Variants in LINGO2 observed in about 807,000 individuals in gnomAD.
LINGO2 encodes the protein leucine-rich repeat and immunoglobulin-like domain-containing nogo receptor-interacting protein 2.
Under a neutral mutation model 30.6 loss-of-function variants are expected in LINGO2, and 14 were observed. The observed-to-expected ratio is 0.46, with a 90% CI of 0.30 to 0.72. LINGO2 has a LOEUF of 0.72. Ranked by LOEUF, LINGO2 falls within the 30% of genes least tolerant of loss-of-function variation. The pLI, the probability that LINGO2 is intolerant of heterozygous loss-of-function variation, is 0.07. For missense variants in LINGO2, 729 were observed against 751.7 expected, an observed-to-expected ratio of 0.97 and a Z score of 0.35; for synonymous variants, 317 against 288.5, an observed-to-expected ratio of 1.10 and a Z score of -1.00.
chr9:29,004,754 C>T, the LINGO2 span, among the ~76,000 whole-genome samples: 1 of 151,870 alleles, frequency 6.6e-6, no homozygotes, highest in African/African-American at 2.4e-5. Flanking sequence ...ACATTCACAT[C>T]TACGCAGACA....
intron 1 of LINGO2, among the ~76,000 whole-genome samples, chr9:28,521,377 A>T (rs1820822986): frequency 6.6e-6 from 1 of 152,176 alleles, no homozygotes; most frequent in South Asian, 2.1e-4. Context: ...CTGTATGTAG[A>T]CAGGGTTCCT....
the LINGO2 span, among the ~76,000 whole-genome samples, chr9:28,867,560 C>A: frequency 3.9e-4 from 59 of 151,540 alleles, no homozygotes; most frequent in Admixed American, 1.6e-3. Flanking sequence ...CAGAGAATCA[C>A]AAAGTTATTG....
the LINGO2 span, among the ~76,000 whole-genome samples, chr9:28,754,329 G>A: frequency 3.9e-5 from 6 of 152,156 alleles, no homozygotes; most frequent in Non-Finnish European, 5.9e-5. Context: ...GATCAAGATT[G>A]TAACGCATAT....
At chr9:28,706,145 C>T in the LINGO2 span, among the ~76,000 whole-genome samples, 4 of 152,044 alleles carry the variant, frequency 2.6e-5, no homozygotes, top group South Asian at 2.1e-4. Context: ...TGAAGATAAA[C>T]CAGTTCTTCC....
Position 28,075,732 on chromosome 9 carries a change from G to GT in LINGO2, c.-86-63328dup, listed in dbSNP as rs912411137. 6.3e-4 allele frequency among the ~76,000 whole-genome samples: 96 copies of GT among 151,696 alleles called. 1 individual carries two copies. The highest frequency in any genetic ancestry group is 2.1e-3 in the African/African-American group (88 of 41,456). ...GCACTGCCAGTTTATTCTTTTGCCT[G>GT]TTTTTTTCTTTCAGGTTGCTTGTCT... is the stretch of plus-strand genomic sequence containing the variant. On this transcript the variant is annotated intron_variant, in intron 4 of 5. Transcript: ENST00000379992.
At chr9:29,090,003 T>C in the LINGO2 span, among the ~76,000 whole-genome samples, 2 of 152,040 alleles carry the variant, frequency 1.3e-5, no homozygotes, top group South Asian at 2.1e-4. Context: ...CCTCTTTTCA[T>C]ACTGAAACAA....
intron 4 of LINGO2, among the ~76,000 whole-genome samples, chr9:28,203,094 G>A (rs767769208): frequency 2.6e-5 from 4 of 152,082 alleles, no homozygotes; most frequent in African/African-American, 4.8e-5. Context: ...GAAATGTATA[G>A]CCTTCCACCT....
rs528649521 is a variant in LINGO2 at position 28,149,366 on chromosome 9, G to A, written c.-86-136961C>T. The A allele has an allele frequency of 3.1e-5, 13 of 425,968 alleles. 1 individual carries two copies. In the Admixed American group the frequency reaches 3.4e-4, roughly 11 times the overall value. The allele number at this position is 425,968 out of a possible 1,614,324, so 26.4% of individuals were successfully genotyped here. A position where few individuals can be genotyped will look rare whatever the true frequency, so the allele number is the denominator to read the frequency against. On this transcript the variant is annotated intron_variant, in intron 4 of 5. Coordinates refer to ENST00000379992, the Ensembl canonical transcript of LINGO2. Reference sequence around the variant, plus strand: ...CCGGCTGCTCCACCGTCTGGGAAGTGAGGAGCGCCTCTGCCAGGCTGCTCC... The same window carrying A: ...CCGGCTGCTCCACCGTCTGGGAAGTAAGGAGCGCCTCTGCCAGGCTGCTCC...
At chr9:27,945,053 T>G (rs894289362), downstream of LINGO2, among the ~76,000 whole-genome samples, 53 of 152,128 alleles carry the variant, frequency 3.5e-4, no homozygotes, top group African/African-American at 1.3e-3. Context: ...AAGCTGAAAA[T>G]TATGTAATTT....
intron 1 of LINGO2, among the ~76,000 whole-genome samples, chr9:28,578,974 G>T (rs927556365): frequency 2.6e-5 from 4 of 151,898 alleles, no homozygotes; most frequent in African/African-American, 9.7e-5. Flanking sequence ...AGAAATAATG[G>T]ATTTAAGATA....
intron 4 of LINGO2, among the ~76,000 whole-genome samples, chr9:28,249,854 T>C (rs1156455077): frequency 6.6e-6 from 1 of 152,166 alleles, no homozygotes; most frequent in Non-Finnish European, 1.5e-5. Flanking sequence ...TTCCTTGAAG[T>C]GATAGAAGAA....
In LINGO2 at chr9:28,148,629, G is replaced by A. The variant is rs1292505203; in HGVS notation, c.-86-136224C>T. On this transcript the variant is annotated intron_variant, in intron 4 of 5. Transcript: ENST00000379992. This position sits in a 1 kb window ranked among gnomAD's most constrained non-coding sequence, Gnocchi z 5.1. ...TTGGAGGGAAATGTCCACCTCAAGA[G>A]CTTGACAGAAAACAACCAGACTGAC... 1.6e-5 allele frequency: 24 copies of A among 1,527,226 alleles called. No homozygotes were observed. The highest frequency in any genetic ancestry group is 1.3e-5 in the Non-Finnish European group (15 of 1,140,300). The allele number at this position is 1,527,226 out of a possible 1,614,324, so 94.6% of individuals were successfully genotyped here. A position where few individuals can be genotyped will look rare whatever the true frequency, so the allele number is the denominator to read the frequency against.
chr9:28,087,228 C>G (rs1346107709), intron 4 of LINGO2, among the ~76,000 whole-genome samples: 8 of 151,974 alleles, frequency 5.3e-5, no homozygotes, highest in Non-Finnish European at 1.2e-4. Context: ...TTAACTGAGC[C>G]CAGACTAGAT....
At chr9:28,624,763 A>G (rs1048270825) in intron 1 of LINGO2, among the ~76,000 whole-genome samples, 1 of 151,362 alleles carries the variant, frequency 6.6e-6, no homozygotes, top group East Asian at 2.0e-4. Context: ...ATTAGTCTAG[A>G]AATGTCATCT....
At chr9:28,923,951 C>T in the LINGO2 span, among the ~76,000 whole-genome samples, 83 of 137,028 alleles carry the variant, frequency 6.1e-4, 1 homozygote, top group East Asian at 0.017. Context: ...GAGGTAGGCA[C>T]TGTCACAGAC....
chr9:28,632,063 T>G (rs1031095575), intron 1 of LINGO2, among the ~76,000 whole-genome samples: 4 of 151,998 alleles, frequency 2.6e-5, no homozygotes, highest in African/African-American at 9.7e-5. Flanking sequence ...GTGCAGAAAA[T>G]GGCTATCTTT....
At chr9:28,295,068 A>G (rs1823873686) in intron 4 of LINGO2, 140 bp downstream of exon 6, 1 of 152,186 alleles carries the variant, frequency 6.6e-6, no homozygotes, top group Non-Finnish European at 1.5e-5. Flanking sequence ...CCTAAATCCA[A>G]GGGAGCCCCA....
the LINGO2 span, among the ~76,000 whole-genome samples, chr9:28,861,141 T>C: frequency 2.6e-5 from 3 of 117,290 alleles, no homozygotes; most frequent in African/African-American, 1.0e-4. Context: ...TATAAATTTT[T>C]ATATAATTTA....
chr9:28,253,455 A>G (rs1047042670), intron 4 of LINGO2, among the ~76,000 whole-genome samples: 4 of 152,206 alleles, frequency 2.6e-5, no homozygotes, highest in African/African-American at 9.6e-5. Context: ...GATGAGTGAG[A>G]AAGCATTCTT....
Sources: gnomAD v4.1 joint callset for allele counts (sites outside exome capture counted in the v4.1 genomes callset) on GRCh38, gnomAD v4.1.1 for gene constraint, Gnocchi (gnomAD v3.1) non-coding constraint, MANE v1.5 for transcripts, NCBI Gene and HGNC (gene_info 2026-07-23, HGNC 2026-07-21) for gene names.